Variants in GSK3B observed in about 807,000 individuals in gnomAD.
The protein encoded by GSK3B is glycogen synthase kinase 3 beta.
In GSK3B, 15 loss-of-function variants were observed where a neutral mutation model predicts 56.4. The ratio of observed to expected loss-of-function variants is 0.27; its 90% CI spans 0.18 to 0.41. The LOEUF (loss-of-function observed/expected upper bound fraction) is 0.41. GSK3B is among the 10% of genes least tolerant of loss of function. The probability of loss-of-function intolerance (pLI) is 1.00; values close to 1 mark genes in which losing one functional copy is unlikely to be tolerated. For synonymous variants in GSK3B, 181 were observed against 188.9 expected (o/e 0.96, Z 0.34); for missense variants, 300 against 513.4 (o/e 0.58, Z 4.02).
At chr3:119,841,454 G>A (rs141522794) in intron 10 of GSK3B, among the ~76,000 whole-genome samples, 230 of 152,308 alleles carry the variant, frequency 1.5e-3, no homozygotes, top group Middle Eastern at 3.4e-3. Context: ...TTAGTTCAGA[G>A]TTAGGGCCTT....
intron 1 of GSK3B, among the ~76,000 whole-genome samples, chr3:120,019,930 G>C (rs570747352): frequency 6.6e-6 from 1 of 152,278 alleles, no homozygotes; most frequent in East Asian, 1.9e-4. Flanking sequence ...GCTTTTGTAG[G>C]ATAGCCTGGG....
At chr3:120,080,900 A>G (rs542486203) in intron 1 of GSK3B, among the ~76,000 whole-genome samples, 5 of 152,126 alleles carry the variant, frequency 3.3e-5, no homozygotes, top group Non-Finnish European at 7.4e-5. Context: ...AAGTACATCC[A>G]TGATGAAAAG....
At chr3:119,857,681 A>C (rs901049148) in intron 9 of GSK3B, among the ~76,000 whole-genome samples, 2 of 152,122 alleles carry the variant, frequency 1.3e-5, no homozygotes, top group African/African-American at 4.8e-5. Flanking sequence ...TGATATTTGG[A>C]CCTCTTTCAC....
chr3:119,861,682 C>T (rs769252680), intron 9 of GSK3B, among the ~76,000 whole-genome samples: 3 of 152,164 alleles, frequency 2.0e-5, no homozygotes, highest in Non-Finnish European at 2.9e-5. Flanking sequence ...ACTTTGTGAT[C>T]ACAGCCCAGT....
At chr3:119,859,273 G>A (rs1006626929) in intron 9 of GSK3B, among the ~76,000 whole-genome samples, 2 of 152,008 alleles carry the variant, frequency 1.3e-5, no homozygotes, top group East Asian at 1.9e-4. Flanking sequence ...ATCTCAGGTA[G>A]TTGTAATACT....
At chr3:119,995,432 C>A (rs1349765153) in intron 2 of GSK3B, among the ~76,000 whole-genome samples, 3 of 151,858 alleles carry the variant, frequency 2.0e-5, no homozygotes, top group Non-Finnish European at 2.9e-5. Flanking sequence ...TAAGGAAGTT[C>A]TTTACAGTAA....
chr3:119,940,355 G>C (rs1282969747), intron 3 of GSK3B, among the ~76,000 whole-genome samples: 1 of 151,996 alleles, frequency 6.6e-6, no homozygotes, highest in East Asian at 1.9e-4. Flanking sequence ...TCAAAATTAA[G>C]AAGGAACTGT....
At chr3:119,875,006 G>A (rs1225008649) in intron 8 of GSK3B, among the ~76,000 whole-genome samples, 1 of 151,964 alleles carries the variant, frequency 6.6e-6, no homozygotes, top group Non-Finnish European at 1.5e-5. Flanking sequence ...AATATCTTCT[G>A]ACCCAGATTT....
intron 1 of GSK3B, among the ~76,000 whole-genome samples, chr3:120,082,382 GTTCT>G (rs2058427168): frequency 5.5e-5 from 4 of 72,512 alleles, no homozygotes; most frequent in African/African-American, 1.1e-4. Context: ...AAATTAGTAT[GTTCT>G]TTTTTTTTTT....
intron 1 of GSK3B, among the ~76,000 whole-genome samples, chr3:120,082,587 G>C (rs1391116189): frequency 1.3e-5 from 2 of 151,478 alleles, no homozygotes; most frequent in African/African-American, 4.9e-5. Flanking sequence ...GTAGAGACGG[G>C]GTTTCACCAT....
chr3:120,081,648 A>T (rs887004597), intron 1 of GSK3B, among the ~76,000 whole-genome samples: 5 of 152,232 alleles, frequency 3.3e-5, no homozygotes, highest in Non-Finnish European at 2.9e-5. Flanking sequence ...GTAAACTATC[A>T]TACCACTAGA....
At chr3:119,840,840 C>G (rs763161832) in intron 10 of GSK3B, among the ~76,000 whole-genome samples, 4 of 152,150 alleles carry the variant, frequency 2.6e-5, no homozygotes, top group Non-Finnish European at 5.9e-5. Context: ...TACTGTATCT[C>G]TTTCAGTACC....
At chr3:119,935,424 A>G (rs981809306) in intron 3 of GSK3B, among the ~76,000 whole-genome samples, 4 of 152,278 alleles carry the variant, frequency 2.6e-5, no homozygotes, top group East Asian at 3.9e-4. Context: ...GAAAAAGAAC[A>G]ACGACAACAA....
chr3:120,002,704 G>A (rs1019025635), intron 1 of GSK3B, among the ~76,000 whole-genome samples: 3 of 152,114 alleles, frequency 2.0e-5, no homozygotes, highest in Non-Finnish European at 2.9e-5. Flanking sequence ...TCAATTACTT[G>A]TTTCAATTAT....
intron 9 of GSK3B, among the ~76,000 whole-genome samples, chr3:119,860,238 C>G (rs1336544426): frequency 6.6e-6 from 1 of 152,142 alleles, no homozygotes; most frequent in Non-Finnish European, 1.5e-5. Context: ...CCTTATTGGG[C>G]TTTCCTGATT....
intron 8 of GSK3B, among the ~76,000 whole-genome samples, chr3:119,869,178 C>T (rs1321085460): frequency 7.6e-6 from 1 of 131,998 alleles, no homozygotes; most frequent in Non-Finnish European, 1.6e-5. Context: ...GAGCCGAGGT[C>T]GTGCCACTGC....
At chr3:119,848,707 A>C (rs2055889215) in intron 9 of GSK3B, among the ~76,000 whole-genome samples, 1 of 152,208 alleles carries the variant, frequency 6.6e-6, no homozygotes, top group South Asian at 2.1e-4. Flanking sequence ...ATCAGTACCT[A>C]AACATCTAAA....
intron 1 of GSK3B, among the ~76,000 whole-genome samples, chr3:120,080,528 G>C (rs1000055379): frequency 1.3e-5 from 2 of 151,940 alleles, no homozygotes; most frequent in Non-Finnish European, 2.9e-5. Context: ...CCCAAAAAGA[G>C]GTCTTGTAAA....
chr3:119,913,626 T>C (rs1227187971), intron 5 of GSK3B, among the ~76,000 whole-genome samples: 1 of 150,374 alleles, frequency 6.7e-6, no homozygotes, highest in Non-Finnish European at 1.5e-5. Flanking sequence ...AGGGACAAAA[T>C]GCAACAAAAT....
Sources: gnomAD v4.1 joint callset for allele counts (sites outside exome capture counted in the v4.1 genomes callset) on GRCh38, gnomAD v4.1.1 for gene constraint, MANE v1.5 for transcripts, NCBI Gene and HGNC (gene_info 2026-07-23, HGNC 2026-07-21) for gene names.